CMIP: variants seen among roughly 807,000 people sequenced by gnomAD.
The protein encoded by CMIP is C-Maf-inducing protein.
A neutral mutation model predicts 97.3 loss-of-function variants in CMIP; 13 were observed. That is an observed-to-expected ratio of 0.13 (90% confidence interval 0.09 to 0.21). CMIP has a LOEUF of 0.21. Among genes scored for constraint, CMIP ranks in the 10% least tolerant of loss-of-function variants. The probability of loss-of-function intolerance (pLI) is 1.00; values close to 1 mark genes in which losing one functional copy is unlikely to be tolerated. For synonymous variants in CMIP, 538 were observed against 436.3 expected (o/e 1.23, Z -2.91); for missense variants, 847 against 1,024.9 (o/e 0.83, Z 2.37).
chr16:81,535,098 C>G (rs1201849769), intron 1 of CMIP, among the ~76,000 whole-genome samples: 1 of 152,104 alleles, frequency 6.6e-6, no homozygotes, highest in African/African-American at 2.4e-5. Flanking sequence ...CTCCAGGCAC[C>G]TGCCACCATG....
chr16:81,502,301 T>G (rs1309237228), intron 1 of CMIP, among the ~76,000 whole-genome samples: 1 of 152,212 alleles, frequency 6.6e-6, no homozygotes, highest in African/African-American at 2.4e-5. Context: ...CAGTTTACAC[T>G]TGTAGTCCTA....
intron 1 of CMIP, among the ~76,000 whole-genome samples, chr16:81,484,414 G>A (rs913011963): frequency 2.6e-5 from 4 of 152,278 alleles, no homozygotes; most frequent in African/African-American, 7.2e-5. Flanking sequence ...CCGTCTCCCC[G>A]ACGAAGGGTA....
At chr16:81,661,068 C>T (rs901261333) in intron 6 of CMIP, 122 bp downstream of exon 6, 9 of 1,194,726 alleles carry the variant, frequency 7.5e-6, no homozygotes, top group African/African-American at 1.5e-5. Context: ...GGTCACGGTC[C>T]CAGACACAGG....
rs376370488 is a variant in CMIP, at chr16:81,640,770, G to GTGTGTGTGTGTGTGTGTGTC, written c.478-11432_478-11431insGTGTGTGTGTGTGTGTGTCT. 3.7e-3 allele frequency among the ~76,000 whole-genome samples: 508 copies of GTGTGTGTGTGTGTGTGTGTC among 135,672 alleles called. 3 individuals carry two copies. The highest frequency in any genetic ancestry group is 5.4e-3 in the Non-Finnish European group (342 of 63,254). 89.0% of individuals were successfully genotyped at this position (135,672 alleles called of 152,430 possible). A position where few individuals can be genotyped will look rare whatever the true frequency, so the allele number is the denominator to read the frequency against. On this transcript the variant is annotated intron_variant, in intron 3 of 20. Coordinates refer to ENST00000537098, the MANE Select transcript of CMIP (RefSeq NM_198390.3). ...TGTGTGTGTGTGTGTGTGTGTGTGT[G>GTGTGTGTGTGTGTGTGTGTC]TCTCTCTCTCTCTCCACATGGCCTT...
chr16:81,455,491 C>A (rs988736955), intron 1 of CMIP, among the ~76,000 whole-genome samples: 2 of 152,240 alleles, frequency 1.3e-5, no homozygotes, highest in Non-Finnish European at 2.9e-5. Context: ...AGATCTCTAC[C>A]CCTCCACTTC....
intron 5 of CMIP, 146 bp downstream of exon 5, chr16:81,657,962 GC>G: frequency 1.6e-6 from 1 of 633,200 alleles, no homozygotes; most frequent in South Asian, 2.1e-5. Flanking sequence ...CAAGCCGGAC[GC>G]ACCTCCCTCT....
rs769947035 is a variant in CMIP, at chr16:81,452,045, A to G, written c.300+6504A>G. 8.5e-5 allele frequency among the ~76,000 whole-genome samples: 13 copies of G among 152,304 alleles called. No homozygotes were observed. In the East Asian group the frequency reaches 1.9e-3, roughly 23 times the overall value. On this transcript the variant is annotated intron_variant, in intron 1 of 20. Coordinates refer to ENST00000537098, the MANE Select transcript of CMIP (RefSeq NM_198390.3). ...AGGTGTTTGCTGTGTGTATTGAGGCAAAGGAGATGGCAGAGAAAATATTTC... is the reference window on the plus strand; with the variant it reads ...AGGTGTTTGCTGTGTGTATTGAGGCGAAGGAGATGGCAGAGAAAATATTTC...
At chr16:81,509,932 C>T (rs1020283326) in intron 1 of CMIP, among the ~76,000 whole-genome samples, 4 of 152,190 alleles carry the variant, frequency 2.6e-5, no homozygotes, top group East Asian at 1.9e-4. Context: ...TCAGGAGCTC[C>T]GGACATCCTG....
chr16:81,541,685 C>G (rs2090452021), intron 1 of CMIP, among the ~76,000 whole-genome samples: 1 of 151,946 alleles, frequency 6.6e-6, no homozygotes, highest in African/African-American at 2.4e-5. Flanking sequence ...GTGGAGTGTC[C>G]CTACAAAACA....
chr16:81,486,456 C>T (rs1349654818), intron 1 of CMIP, among the ~76,000 whole-genome samples: 2 of 152,182 alleles, frequency 1.3e-5, no homozygotes, highest in Non-Finnish European at 2.9e-5. Flanking sequence ...GGCCCTGAGA[C>T]GCAGTGGCAA....
At chr16:81,522,339 C>A (rs1458608356) in intron 1 of CMIP, among the ~76,000 whole-genome samples, 1 of 152,164 alleles carries the variant, frequency 6.6e-6, no homozygotes, top group Non-Finnish European at 1.5e-5. Context: ...GCTCCATCCA[C>A]TGAAGCACAC....
At chr16:81,682,356 G>C (rs549284048) in intron 10 of CMIP, among the ~76,000 whole-genome samples, 2 of 152,162 alleles carry the variant, frequency 1.3e-5, no homozygotes, top group Non-Finnish European at 2.9e-5. Context: ...CCTGAGGTCG[G>C]GAGTTCGAGA....
intron 1 of CMIP, among the ~76,000 whole-genome samples, chr16:81,483,516 G>C (rs2089263925): frequency 6.6e-6 from 1 of 152,168 alleles, no homozygotes; most frequent in South Asian, 2.1e-4. Context: ...GAAAGTGGCA[G>C]CTCTGAAGAC....
intron 1 of CMIP, among the ~76,000 whole-genome samples, chr16:81,602,171 G>A (rs1310233618): frequency 6.6e-6 from 1 of 152,152 alleles, no homozygotes; most frequent in African/African-American, 2.4e-5. Context: ...TGATGGTGGC[G>A]GAATATTTTA....
chr16:81,701,823 C>G (rs1391479900), intron 16 of CMIP, 23 bp downstream of exon 16: 2 of 1,612,512 alleles, frequency 1.2e-6, no homozygotes, highest in South Asian at 2.2e-5. Context: ...CTGCTCCGGA[C>G]CACTCCCCTG....
intron 19 of CMIP, among the ~76,000 whole-genome samples, chr16:81,706,634 G>A (rs1908176163): frequency 1.3e-5 from 2 of 152,350 alleles, no homozygotes; most frequent in African/African-American, 4.8e-5. Context: ...TCAAGAAGCA[G>A]CACCGAGTCA....
At chr16:81,606,032 G>C (rs190394695) in intron 1 of CMIP, among the ~76,000 whole-genome samples, 3 of 152,200 alleles carry the variant, frequency 2.0e-5, no homozygotes, top group African/African-American at 7.2e-5. Context: ...CATAACTCTC[G>C]TTTGGCAGAC....
intron 1 of CMIP, among the ~76,000 whole-genome samples, chr16:81,553,091 T>G (rs12918427): frequency 2.0e-5 from 3 of 152,204 alleles, no homozygotes; most frequent in African/African-American, 7.2e-5. Context: ...ACCAGTTGCT[T>G]AGCCACGTGG....
chr16:81,585,208 G>A (rs1221762356), intron 1 of CMIP, among the ~76,000 whole-genome samples: 1 of 152,170 alleles, frequency 6.6e-6, no homozygotes, highest in East Asian at 1.9e-4. Context: ...CAGGCATGGT[G>A]GTGGGCACCT....
Sources: gnomAD v4.1 joint callset for allele counts (sites outside exome capture counted in the v4.1 genomes callset) on GRCh38, gnomAD v4.1.1 for gene constraint, MANE v1.5 for transcripts, NCBI Gene and HGNC (gene_info 2026-07-23, HGNC 2026-07-21) for gene names.